Variants in NAALADL2 observed in about 807,000 individuals in gnomAD.
The protein encoded by NAALADL2 is inactive N-acetylated-alpha-linked acidic dipeptidase-like protein 2.
Under a neutral mutation model 87.2 loss-of-function variants are expected in NAALADL2, and 76 were observed. The observed-to-expected ratio is 0.87, with a 90% CI of 0.72 to 1.05. The LOEUF is 1.05. NAALADL2 is among the 50% of genes least tolerant of loss of function. The pLI is 0.00. For synonymous variants in NAALADL2, 354 were observed against 331.0 expected, an observed-to-expected ratio of 1.07 and a Z score of -0.75; for missense variants, 1,089 against 945.8, an observed-to-expected ratio of 1.15 and a Z score of -1.99.
chr3:174,651,125 T>C (rs9862858), intron 2 of NAALADL2, among the ~76,000 whole-genome samples: 5,540 of 152,264 alleles, frequency 0.036, 389 homozygotes, highest in African/African-American at 0.13. Flanking sequence ...TGTGCTATCA[T>C]TTAGAATATG....
intron 3 of NAALADL2, among the ~76,000 whole-genome samples, chr3:174,753,832 A>C (rs1711590306): frequency 6.6e-6 from 1 of 152,180 alleles, no homozygotes; most frequent in Non-Finnish European, 1.5e-5. Context: ...ACTTTTGGAA[A>C]GTAATTAGGT....
intron 2 of NAALADL2, among the ~76,000 whole-genome samples, chr3:175,187,897 G>A (rs1251838844): frequency 2.6e-5 from 4 of 152,136 alleles, no homozygotes; most frequent in African/African-American, 9.7e-5. Flanking sequence ...AGAAGTGTAA[G>A]TGTTTTAATT....
chr3:174,882,530 T>C (rs983568444), intron 1 of NAALADL2, among the ~76,000 whole-genome samples: 12 of 151,002 alleles, frequency 7.9e-5, no homozygotes, highest in East Asian at 7.8e-4. Flanking sequence ...CATATACACA[T>C]ATATGCATAC....
At chr3:174,453,579 C>T (rs1715629316) in intron 1 of NAALADL2, among the ~76,000 whole-genome samples, 1 of 152,154 alleles carries the variant, frequency 6.6e-6, no homozygotes, top group Non-Finnish European at 1.5e-5. Flanking sequence ...CTGTAGAAAC[C>T]CCACAAGCCA....
At chr3:174,888,712 C>A (rs926839589) in intron 1 of NAALADL2, among the ~76,000 whole-genome samples, 2 of 152,158 alleles carry the variant, frequency 1.3e-5, no homozygotes, top group Non-Finnish European at 2.9e-5. Flanking sequence ...GTTCTATTGT[C>A]TAGCAGTAAC....
At chr3:175,026,693 A>G (rs1040336473) in intron 1 of NAALADL2, among the ~76,000 whole-genome samples, 5 of 151,908 alleles carry the variant, frequency 3.3e-5, no homozygotes, top group African/African-American at 1.2e-4. Flanking sequence ...AGTGGGAAGC[A>G]ATATCTTCCT....
At chr3:174,505,971 C>T (rs1719176888) in intron 1 of NAALADL2, among the ~76,000 whole-genome samples, 1 of 152,030 alleles carries the variant, frequency 6.6e-6, no homozygotes, top group Non-Finnish European at 1.5e-5. Flanking sequence ...TGTATACTTT[C>T]CAGACCCTTG....
chr3:174,706,192 G>A (rs985250348), intron 2 of NAALADL2, among the ~76,000 whole-genome samples: 44 of 152,272 alleles, frequency 2.9e-4, no homozygotes, highest in African/African-American at 1.0e-3. Flanking sequence ...TGAAAATAAT[G>A]TTTAATAGGG....
intron 10 of NAALADL2, among the ~76,000 whole-genome samples, chr3:175,602,483 G>A (rs925619834): frequency 8.9e-6 from 1 of 111,750 alleles, no homozygotes; most frequent in Non-Finnish European, 2.2e-5. Flanking sequence ...GAGAGAGAGC[G>A]AGCTAAATAT....
At chr3:174,613,281 A>G (rs1162709398) in intron 2 of NAALADL2, among the ~76,000 whole-genome samples, 1 of 152,194 alleles carries the variant, frequency 6.6e-6, no homozygotes, top group East Asian at 1.9e-4. Context: ...GCCTGCTGAA[A>G]GTCATCTCTG....
chr3:175,144,230 G>A (rs1284039255), intron 2 of NAALADL2, among the ~76,000 whole-genome samples: 2 of 151,902 alleles, frequency 1.3e-5, no homozygotes, highest in South Asian at 4.1e-4. Flanking sequence ...TCTAAATTCC[G>A]GCTTCATGGA....
chr3:174,702,762 A>G (rs1729677013), intron 2 of NAALADL2, among the ~76,000 whole-genome samples: 1 of 152,204 alleles, frequency 6.6e-6, no homozygotes. Flanking sequence ...TGGTATTATG[A>G]TCTTATGAGA....
intron 5 of NAALADL2, among the ~76,000 whole-genome samples, chr3:175,417,117 G>GA (rs11424007): frequency 0.6 from 74,638 of 125,366 alleles, 21,174 homozygotes; most frequent in East Asian, 0.67. Context: ...GAAGAGAAAA[G>GA]AAAAAAAAAA....
chr3:174,717,717 G>A (rs1731322158), intron 2 of NAALADL2, among the ~76,000 whole-genome samples: 1 of 152,176 alleles, frequency 6.6e-6, no homozygotes, highest in Admixed American at 6.5e-5. Flanking sequence ...TATTAAATAT[G>A]TAGTAAGAAA....
chr3:174,525,205 G>T lies in NAALADL2; in HGVS notation c.-183-25364G>T, dbSNP rs145619967. Among the ~76,000 whole-genome samples, 565 of 152,284 alleles carry T rather than the reference G, an allele frequency of 3.7e-3. 3 individuals are homozygous for T. The highest frequency in any genetic ancestry group is 0.013 in the African/African-American group (520 of 41,554). On this transcript the variant is annotated intron_variant, in intron 1 of 3. Coordinates refer to the NAALADL2 transcript ENST00000434257. ...ATGTAGTTGTTTCAGATGAAAACTC[G>T]AGACAGTCTTCTAGAGAATTTGTCT... is the stretch of plus-strand genomic sequence containing the variant.
chr3:174,923,060 G>T (rs552367000), intron 1 of NAALADL2, among the ~76,000 whole-genome samples: 1 of 152,262 alleles, frequency 6.6e-6, no homozygotes, highest in African/African-American at 2.4e-5. Flanking sequence ...AAAGGAACAA[G>T]GCAAGGACTC....
chr3:174,760,646 T>C (rs1228318386), intron 3 of NAALADL2, among the ~76,000 whole-genome samples: 1 of 152,248 alleles, frequency 6.6e-6, no homozygotes, highest in Non-Finnish European at 1.5e-5. Context: ...GAATGGCCTC[T>C]GCTAGGCTCT....
chr3:175,718,810 A>G, intron 11 of NAALADL2: 1 of 583,514 alleles, frequency 1.7e-6, no homozygotes, highest in Non-Finnish European at 2.9e-6. Context: ...ACACCACTGC[A>G]CTCCAGCCTG....
intron 2 of NAALADL2, among the ~76,000 whole-genome samples, chr3:175,220,271 C>A (rs1743160285): frequency 6.6e-6 from 1 of 151,672 alleles, no homozygotes. Context: ...TTGATTCTTG[C>A]ATGTGTCTGT....
Sources: gnomAD v4.1 joint callset for allele counts (sites outside exome capture counted in the v4.1 genomes callset) on GRCh38, gnomAD v4.1.1 for gene constraint, MANE v1.5 for transcripts, NCBI Gene and HGNC (gene_info 2026-07-23, HGNC 2026-07-21) for gene names.